CPSF3: variants seen among roughly 807,000 people sequenced by gnomAD.
CPSF3 encodes cleavage and polyadenylation specificity factor subunit 3.
In CPSF3, 57 loss-of-function variants were observed where a neutral mutation model predicts 84.1. The ratio of observed to expected loss-of-function variants is 0.68; its 90% CI spans 0.55 to 0.85. The LOEUF (loss-of-function observed/expected upper bound fraction) is 0.85. Among genes scored for constraint, CPSF3 ranks in the 40% least tolerant of loss-of-function variants. The pLI, the probability that CPSF3 is intolerant of heterozygous loss-of-function variation, is 0.00. For synonymous variants in CPSF3, 275 were observed against 278.1 expected, an observed-to-expected ratio of 0.99 and a Z score of 0.11; for missense variants, 522 against 838.8, an observed-to-expected ratio of 0.62 and a Z score of 4.66.
chr2:9,442,128 G>A lies in CPSF3; in HGVS notation c.1095+152G>A, dbSNP rs555539631. 57 of 740,550 alleles carry A rather than the reference G, an allele frequency of 7.7e-5. No individual in the cohort carries two copies. The Admixed American group carries it at 9.6e-4, about 13-fold the overall frequency. The allele number at this position is 740,550 out of a possible 1,614,324, so 45.9% of individuals were successfully genotyped here. A position where few individuals can be genotyped will look rare whatever the true frequency, so the allele number is the denominator to read the frequency against. On this transcript the variant is annotated intron_variant, in intron 9 of 17. Transcript: ENST00000238112. ...CGGGAATAGGTAGCTAGAGATGTGC[G>A]TAGGATGTAGAATTATGCAGACACT...
chr2:9,426,052 G>A (rs569123140), intron 1 of CPSF3, among the ~76,000 whole-genome samples: 26 of 152,286 alleles, frequency 1.7e-4, no homozygotes, highest in Admixed American at 4.6e-4. Flanking sequence ...ATCTTTCCAA[G>A]GTTCAAAATT....
In CPSF3 at chr2:9,459,556, T is replaced by G. The variant is rs772776419; in HGVS notation, c.1724T>G (p.Met575Arg). Residue 575 changes from methionine (M) to arginine (R), a missense_variant, in exon 15 of 18, where the codon ATG (methionine) becomes AGG (arginine). This residue lies in a region of CPSF3 where 193 missense variants were observed against 231.6 expected (regional missense o/e 0.83). Transcript: ENST00000238112. ...TGGCTGGCAAACCCTTCTAATGATA[T>G]GTATGCAGATACAGTAACAACTGTG... The part of the protein sequence containing the change: ...LEWLANPSND[M>R]YADTVTTVIL... The G allele has an allele frequency of 6.2e-7, 1 of 1,612,848 alleles. No homozygotes were observed. Among genetic ancestry groups the G allele is most frequent in the East Asian group, 2.2e-5 (1 of 44,868 alleles).
In CPSF3 at chr2:9,423,760, C is replaced by G. The variant is rs753752605; in HGVS notation, c.-14C>G. 1 of 1,613,192 alleles carries G rather than the reference C, an allele frequency of 6.2e-7. No individual in the cohort carries two copies. The highest frequency in any genetic ancestry group is 1.3e-5 in the African/African-American group (1 of 74,896). On this transcript the variant is annotated 5_prime_UTR_variant, in exon 1 of 18. Coordinates refer to ENST00000238112, the MANE Select transcript of CPSF3 (RefSeq NM_016207.4). ...ACCTGTTCCTCACCCCCGCTTCGCCCTCACACTTTCGGGATGTCTGCGATT... is the reference window on the plus strand; with the variant it reads ...ACCTGTTCCTCACCCCCGCTTCGCCGTCACACTTTCGGGATGTCTGCGATT...
chr2:9,466,432 G>A (rs936179872), intron 15 of CPSF3, among the ~76,000 whole-genome samples: 22 of 147,298 alleles, frequency 1.5e-4, no homozygotes, highest in African/African-American at 5.8e-4. Flanking sequence ...GCGCACACAC[G>A]CGCACACACA....
intron 16 of CPSF3, among the ~76,000 whole-genome samples, chr2:9,469,075 C>A (rs1455881209): frequency 6.6e-6 from 1 of 152,206 alleles, no homozygotes; most frequent in Non-Finnish European, 1.5e-5. Context: ...AACCAGCCAA[C>A]AGTGCAGGCA....
In CPSF3 at chr2:9,432,497, C is replaced by T. The variant is rs1284072821; in HGVS notation, c.342-14C>T. On this transcript the variant is annotated splice_polypyrimidine_tract_variant and intron_variant, in intron 4 of 17. Transcript: ENST00000238112. ...GACTCTTAATTGTTTTTGCTGGCAT[C>T]TTTCAAAATTTAGTAACATATCAGC... 1.4e-6 allele frequency: 2 copies of T among 1,439,032 alleles called. No individual in the cohort carries two copies. Among genetic ancestry groups the T allele is most frequent in the Non-Finnish European group, 1.9e-6 (2 of 1,077,852 alleles). The allele number at this position is 1,439,032 out of a possible 1,614,324, so 89.1% of individuals were successfully genotyped here. A position where few individuals can be genotyped will look rare whatever the true frequency, so the allele number is the denominator to read the frequency against.
At chr2:9,453,363 A>C (rs1681401121) in intron 12 of CPSF3, among the ~76,000 whole-genome samples, 1 of 152,218 alleles carries the variant, frequency 6.6e-6, no homozygotes, top group Non-Finnish European at 1.5e-5. Flanking sequence ...TGACCTTTGC[A>C]TAAGCATTTC....
chr2:9,438,013 A>C, intron 7 of CPSF3, among the ~76,000 whole-genome samples: 1 of 152,240 alleles, frequency 6.6e-6, no homozygotes, highest in Non-Finnish European at 1.5e-5. Flanking sequence ...AAAAAAAGCA[A>C]ATAATAAAAT....
chr2:9,465,328 T>C (rs1681863538), intron 15 of CPSF3, among the ~76,000 whole-genome samples: 1 of 152,080 alleles, frequency 6.6e-6, no homozygotes, highest in Non-Finnish European at 1.5e-5. Context: ...CGTACAGGCC[T>C]AGCTACTTGA....
At chr2:9,472,864 T>C in intron 17 of CPSF3, 52 bp from the exon 18 acceptor site, 2 of 1,184,330 alleles carry the variant, frequency 1.7e-6, no homozygotes, top group Admixed American at 1.8e-5. Context: ...TTATCTTCTA[T>C]ATAATCATTA....
intron 16 of CPSF3, among the ~76,000 whole-genome samples, chr2:9,468,619 C>CTTTTTTTTT (rs5829213): frequency 9.2e-6 from 1 of 108,338 alleles, no homozygotes; most frequent in Non-Finnish European, 1.7e-5. Context: ...CTACACTGAC[C>CTTTTTTTTT]TTTTTTTTTT....
rs1680553663 is a variant in CPSF3 at position 9,430,643 on chromosome 2, C to T, written c.213-109C>T. Reference sequence around the variant, plus strand: ...CTCTTGGTTTTTCTGAAAGTATCAGCACATAGTTGTTTATATAAAACTTGT... The same window carrying T: ...CTCTTGGTTTTTCTGAAAGTATCAGTACATAGTTGTTTATATAAAACTTGT... On this transcript the variant is annotated intron_variant, in intron 3 of 17. Transcript: ENST00000238112. 4.1e-6 allele frequency: 4 copies of T among 972,948 alleles called. No homozygotes were observed. In the Admixed American group the frequency reaches 7.1e-5, roughly 17 times the overall value. The allele number at this position is 972,948 out of a possible 1,614,324, so 60.3% of individuals were successfully genotyped here.
chr2:9,455,874 A>G, intron 13 of CPSF3, 117 bp downstream of exon 13: 1 of 688,384 alleles, frequency 1.5e-6, no homozygotes, highest in Non-Finnish European at 2.4e-6. Flanking sequence ...TGTAAGTTTT[A>G]TAAATATGTG....
intron 15 of CPSF3, among the ~76,000 whole-genome samples, chr2:9,466,186 A>G (rs905825384): frequency 2.0e-5 from 3 of 150,162 alleles, no homozygotes; most frequent in Non-Finnish European, 3.0e-5. Context: ...ACACGCACAC[A>G]CACACGCGCT....
chr2:9,456,935 G>T lies in CPSF3; in HGVS notation c.1606G>T (p.Asp536Tyr). The change falls in exon 14 of 18, where the codon GAT becomes TAT. Residue 536 changes from aspartate (D) to tyrosine (Y), a missense_variant and splice_region_variant. Physicochemically the swap from Asp to Tyr is radical, Grantham distance 160 (BLOSUM62 -3). Coordinates refer to ENST00000238112, the MANE Select transcript of CPSF3 (RefSeq NM_016207.4). ...LCYQLQKLTG[D>Y]VEELEIQEKP... ...TTATAGTTATGTCTTTCTTTCAGGT[G>T]ATGTGGAAGAATTAGAAATTCAAGA... The T allele has an allele frequency of 1.3e-6, 2 of 1,558,398 alleles. No individual in the cohort carries two copies. Among genetic ancestry groups the T allele is most frequent in the Non-Finnish European group, 1.8e-6 (2 of 1,138,386 alleles).
intron 16 of CPSF3, among the ~76,000 whole-genome samples, chr2:9,470,023 G>A (rs1682108805): frequency 6.6e-6 from 1 of 152,156 alleles, no homozygotes; most frequent in East Asian, 1.9e-4. Flanking sequence ...AGACCAGCCT[G>A]GCCAACATGG....
At position 9,423,679 on chromosome 2, in the gene CPSF3, GTTCTTCCTTTTTT is replaced by G; in HGVS notation, c.-94_-82del. On this transcript the variant is annotated 5_prime_UTR_variant, in exon 1 of 18. An upstream open reading frame in the 5' UTR loses its in-frame stop. Coordinates refer to ENST00000238112, the MANE Select transcript of CPSF3 (RefSeq NM_016207.4). Reference sequence around the variant, plus strand: ...GGAAGTTGTGCTCTTGGTGAATGGGGTTCTTCCTTTTTTATTTACCGGTGGCTGTGCTTCCAAT... The same window carrying G: ...GGAAGTTGTGCTCTTGGTGAATGGGGATTTACCGGTGGCTGTGCTTCCAAT... The G allele has an allele frequency of 6.7e-7, 1 of 1,495,216 alleles. No homozygotes were observed. Among genetic ancestry groups the G allele is most frequent in the Admixed American group, 2.0e-5 (1 of 50,454 alleles). The allele number at this position is 1,495,216 out of a possible 1,614,324, so 92.6% of individuals were successfully genotyped here.
At chr2:9,466,389 C>T (rs951969591) in intron 15 of CPSF3, among the ~76,000 whole-genome samples, 1 of 78,928 alleles carries the variant, frequency 1.3e-5, no homozygotes, top group Non-Finnish European at 3.9e-5. Context: ...CTCGCACACA[C>T]GCGCACACAC....
At chr2:9,448,950 T>TA (rs1681221640) in intron 11 of CPSF3, among the ~76,000 whole-genome samples, 1 of 152,148 alleles carries the variant, frequency 6.6e-6, no homozygotes, top group Non-Finnish European at 1.5e-5. Flanking sequence ...AACTGTTTGT[T>TA]ACTGTTTGTT....
Sources: gnomAD v4.1 joint callset for allele counts (sites outside exome capture counted in the v4.1 genomes callset) on GRCh38, gnomAD v4.1.1 for gene constraint, gnomAD v4.1.1 regional missense constraint, MANE v1.5 for transcripts, NCBI Gene and HGNC (gene_info 2026-07-23, HGNC 2026-07-21) for gene names.